The following CDH13 variants were observed in gnomAD, a reference collection of about 807,000 sequenced individuals.
CDH13 encodes cadherin 13, also known as cadherin-13.
In CDH13, 24 loss-of-function variants were observed where a neutral mutation model predicts 63.8. The ratio of observed to expected loss-of-function variants is 0.38; its 90% CI spans 0.27 to 0.53. CDH13 has a LOEUF of 0.53. CDH13 is among the 20% of genes least tolerant of loss of function. CDH13 has a pLI of 0.85. For synonymous variants in CDH13, 503 were observed against 355.3 expected (o/e 1.42, Z -4.67); for missense variants, 1,049 against 903.1 (o/e 1.16, Z -2.07).
intron 2 of CDH13, among the ~76,000 whole-genome samples, chr16:83,023,786 A>G (rs1342332635): frequency 6.6e-6 from 1 of 152,210 alleles, no homozygotes; most frequent in Non-Finnish European, 1.5e-5. Flanking sequence ...GGCTGATGTC[A>G]TCACATGCAC....
chr16:83,230,447 C>T (rs752324856), intron 5 of CDH13, among the ~76,000 whole-genome samples: 23 of 152,104 alleles, frequency 1.5e-4, no homozygotes, highest in Non-Finnish European at 3.2e-4. Flanking sequence ...TGACCACCCC[C>T]GCAAGCCTCT....
chr16:83,200,128 C>T (rs1250658981), intron 4 of CDH13, among the ~76,000 whole-genome samples: 1 of 152,110 alleles, frequency 6.6e-6, no homozygotes, highest in Admixed American at 6.6e-5. Flanking sequence ...GCTTCAGACT[C>T]AGAGTCAGAA....
At chr16:83,611,874 A>T (rs2150764437) in intron 8 of CDH13, among the ~76,000 whole-genome samples, 1 of 152,174 alleles carries the variant, frequency 6.6e-6, no homozygotes, top group African/African-American at 2.4e-5. Context: ...AGTGGTTAGA[A>T]AGCATCCACT....
chr16:82,710,552 A>AAATATATATATATATAT (rs60196638), intron 1 of CDH13, among the ~76,000 whole-genome samples: 31 of 63,702 alleles, frequency 4.9e-4, no homozygotes, highest in Non-Finnish European at 6.9e-4. Context: ...AAAAAAAAAA[A>AAATATATATATATATAT]ATATATATAT....
At chr16:83,353,519 G>A (rs532338705) in intron 6 of CDH13, among the ~76,000 whole-genome samples, 43 of 152,370 alleles carry the variant, frequency 2.8e-4, no homozygotes, top group African/African-American at 1.0e-3. Flanking sequence ...TCTGGTAGAA[G>A]AGTATCTAAC....
intron 8 of CDH13, among the ~76,000 whole-genome samples, chr16:83,605,294 G>C (rs1308545523): frequency 1.3e-5 from 2 of 152,170 alleles, no homozygotes; most frequent in African/African-American, 4.8e-5. Context: ...TGTCCCAAAG[G>C]AGTCTTTGCC....
chr16:83,717,576 T>C (rs1909111215), intron 10 of CDH13, among the ~76,000 whole-genome samples: 1 of 152,270 alleles, frequency 6.6e-6, no homozygotes, highest in Non-Finnish European at 1.5e-5. Flanking sequence ...AGCCAAGGGC[T>C]GACTCTTGGT....
chr16:83,264,615 C>T (rs1907387064), intron 5 of CDH13, among the ~76,000 whole-genome samples: 1 of 151,326 alleles, frequency 6.6e-6, no homozygotes, highest in Non-Finnish European at 1.5e-5. Flanking sequence ...AATGCAATAA[C>T]TTTTAAGGTT....
intron 10 of CDH13, among the ~76,000 whole-genome samples, chr16:83,690,416 C>T (rs541613409): frequency 3.3e-5 from 5 of 152,046 alleles, no homozygotes; most frequent in Admixed American, 6.6e-5. Flanking sequence ...ACAGCTATCC[C>T]GGGTGGAGAG....
chr16:83,371,822 C>G (rs951109081), intron 6 of CDH13, among the ~76,000 whole-genome samples: 1 of 151,938 alleles, frequency 6.6e-6, no homozygotes, highest in Non-Finnish European at 1.5e-5. Flanking sequence ...TCTGGATGAC[C>G]CTAAGAAAGT....
intron 6 of CDH13, among the ~76,000 whole-genome samples, chr16:83,472,163 C>T (rs946501041): frequency 2.0e-5 from 3 of 152,188 alleles, no homozygotes; most frequent in African/African-American, 7.2e-5. Flanking sequence ...ACTGTCCCCA[C>T]TTAGTACCGT....
intron 4 of CDH13, among the ~76,000 whole-genome samples, chr16:83,198,092 G>C (rs947521144): frequency 2.6e-5 from 4 of 152,040 alleles, no homozygotes; most frequent in African/African-American, 9.7e-5. Flanking sequence ...TATCCAGTAG[G>C]ACATTGAGCA....
intron 5 of CDH13, among the ~76,000 whole-genome samples, chr16:83,321,771 G>A (rs1160694118): frequency 6.6e-6 from 1 of 152,084 alleles, no homozygotes; most frequent in African/African-American, 2.4e-5. Context: ...CTCGTAATCT[G>A]CCTGCCTCAG....
chr16:83,735,952 C>G (rs1169863199), intron 10 of CDH13: 1 of 152,114 alleles, frequency 6.6e-6, no homozygotes, highest in African/African-American at 2.4e-5. Flanking sequence ...ATAAAACACA[C>G]TGAATGAAAA....
At chr16:82,724,809 A>G (rs1418600103) in intron 1 of CDH13, among the ~76,000 whole-genome samples, 2 of 152,182 alleles carry the variant, frequency 1.3e-5, no homozygotes, top group South Asian at 2.1e-4. Flanking sequence ...GCCAGGGACA[A>G]GAGCAGGGAT....
chr16:82,836,289 C>T (rs537231982), intron 1 of CDH13, among the ~76,000 whole-genome samples: 123 of 152,144 alleles, frequency 8.1e-4, no homozygotes, highest in African/African-American at 2.9e-3. Context: ...GCTGGGATTA[C>T]AGGTGCCCAC....
At chr16:83,557,801 G>T (rs955062768) in intron 7 of CDH13, among the ~76,000 whole-genome samples, 3 of 152,108 alleles carry the variant, frequency 2.0e-5, no homozygotes, top group Non-Finnish European at 4.4e-5. Context: ...CCCAATTTCA[G>T]ACTTCCCCAG....
chr16:83,261,479 A>T (rs1906984359), intron 5 of CDH13, among the ~76,000 whole-genome samples: 1 of 152,068 alleles, frequency 6.6e-6, no homozygotes, highest in African/African-American at 2.4e-5. Flanking sequence ...ACTGAAGTGG[A>T]GGGACAGGAA....
At chr16:82,890,425 T>C (rs2041039411) in intron 2 of CDH13, among the ~76,000 whole-genome samples, 2 of 152,302 alleles carry the variant, frequency 1.3e-5, no homozygotes, top group South Asian at 4.1e-4. Context: ...TCCAACCCTC[T>C]TTAAAAACGA....
Sources: allele counts gnomAD v4.1 joint callset (sites outside exome capture counted in the v4.1 genomes callset), GRCh38; gene constraint gnomAD v4.1.1; transcripts MANE v1.5; gene names NCBI Gene and HGNC (gene_info 2026-07-23, HGNC 2026-07-21).